ALDH1A2: variants seen among roughly 807,000 people sequenced by gnomAD.
ALDH1A2 encodes aldehyde dehydrogenase 1 family member A2.
ALDH1A2 carries 27 observed loss-of-function variants against 60.3 expected under a neutral mutation model. That is an observed-to-expected ratio of 0.45 (90% CI 0.33 to 0.62). The LOEUF is 0.62. ALDH1A2 is among the 20% of genes least tolerant of loss of function. ALDH1A2 has a pLI of 0.02. For missense variants in ALDH1A2, 581 were observed against 643.8 expected, an observed-to-expected ratio of 0.90 and a Z score of 1.06; for synonymous variants, 289 against 232.4, an observed-to-expected ratio of 1.24 and a Z score of -2.21.
intron 7 of ALDH1A2, chr15:57,980,207 G>T: frequency 3.1e-6 from 1 of 319,766 alleles, no homozygotes; most frequent in East Asian, 9.2e-5. Context: ...CTGCTTCTCT[G>T]AGTATTTGAT....
intron 7 of ALDH1A2, 80 bp downstream of exon 7, chr15:57,992,625 G>T: frequency 7.7e-7 from 1 of 1,300,388 alleles, no homozygotes; most frequent in East Asian, 2.3e-5. Context: ...CTAGCCTATG[G>T]GTACTAGTTT....
intron 7 of ALDH1A2, among the ~76,000 whole-genome samples, chr15:57,977,624 G>A (rs1894308763): frequency 6.6e-6 from 1 of 152,198 alleles, no homozygotes; most frequent in Non-Finnish European, 1.5e-5. Flanking sequence ...TAACCTTGTA[G>A]TAAAGTTTGA....
intron 1 of ALDH1A2, among the ~76,000 whole-genome samples, chr15:58,045,931 A>G (rs1349795787): frequency 6.6e-6 from 1 of 152,016 alleles, no homozygotes; most frequent in African/African-American, 2.4e-5. Context: ...GAGACACTCC[A>G]CACATGCATT....
intron 1 of ALDH1A2, among the ~76,000 whole-genome samples, chr15:58,041,763 A>G (rs11071363): frequency 0.41 from 62,866 of 151,670 alleles, 13,229 homozygotes; most frequent in Non-Finnish European, 0.44. Flanking sequence ...TATGTTCCAA[A>G]ACTCCCAGTG....
intron 1 of ALDH1A2, chr15:58,038,414 A>T (rs555127750): frequency 7.9e-5 from 12 of 151,822 alleles, no homozygotes; most frequent in Admixed American, 6.6e-4. Context: ...CACCCAAATA[A>T]TTTTTAAGGG....
intron 1 of ALDH1A2, among the ~76,000 whole-genome samples, chr15:58,049,794 G>A (rs957336754): frequency 2.9e-4 from 44 of 152,230 alleles, no homozygotes; most frequent in African/African-American, 1.1e-3. Context: ...TGTACTTTGA[G>A]AGAAGAAAAC....
At position 57,995,073 on chromosome 15, in the gene ALDH1A2, C is replaced by CTCA. The variant is rs1205621942; in HGVS notation, c.555+2_555+4dup. On this transcript the variant is annotated splice_donor_region_variant and intron_variant, in intron 5 of 12. Coordinates refer to ENST00000249750, the MANE Select transcript of ALDH1A2 (RefSeq NM_003888.4). ...TAAATACGAGGTGCGAGGAAATACACTCACTGGGATGATCTGTCCACACAC... is the reference window on the plus strand; with the variant it reads ...TAAATACGAGGTGCGAGGAAATACACTCATCACTGGGATGATCTGTCCACACAC... The CTCA allele has an allele frequency of 1.2e-6, 2 of 1,609,184 alleles. No individual in the cohort carries two copies. The highest frequency in any genetic ancestry group is 1.7e-6 in the Non-Finnish European group (2 of 1,175,880).
intron 7 of ALDH1A2, among the ~76,000 whole-genome samples, chr15:57,986,163 T>C (rs1167293266): frequency 1.3e-5 from 2 of 152,198 alleles, no homozygotes; most frequent in Admixed American, 6.5e-5. Flanking sequence ...TAGAAAAGTA[T>C]ATGAAATTGT....
At chr15:57,971,431 G>A (rs1894063449) in intron 7 of ALDH1A2, among the ~76,000 whole-genome samples, 1 of 152,148 alleles carries the variant, frequency 6.6e-6, no homozygotes, top group South Asian at 2.1e-4. Context: ...ATATGCATAT[G>A]TACACAGATT....
rs1303613977 is a variant in ALDH1A2, at chr15:58,013,989, C to G, written c.232G>C (p.Asp78His). 3.1e-6 allele frequency: 5 copies of G among 1,613,932 alleles called. No individual in the cohort carries two copies. Among genetic ancestry groups the G allele is most frequent in the Non-Finnish European group, 3.4e-6 (4 of 1,179,996 alleles). The change falls in exon 3 of 13, where the codon GAC becomes CAC. Residue 78 changes from aspartate (D) to histidine (H), a missense_variant. Physicochemically the swap from Asp to His is moderately conservative, Grantham distance 81. Transcript: ENST00000249750. ...EVQEADKADI[D>H]KAVQAARLAF... ...AGGCGGGCTGCCTGCACTGCTTTGT[C>G]TATATCTGCCTGTTAGAGAGGAAGA...
chr15:58,058,947 A>C (rs562042980), intron 1 of ALDH1A2, among the ~76,000 whole-genome samples: 24 of 152,350 alleles, frequency 1.6e-4, no homozygotes, highest in Non-Finnish European at 3.1e-4. Context: ...GCAGAAGTCT[A>C]GGTGGTGAAA....
intron 7 of ALDH1A2, among the ~76,000 whole-genome samples, chr15:57,981,547 A>G (rs1279648091): frequency 2.6e-5 from 4 of 152,194 alleles, no homozygotes; most frequent in Admixed American, 6.5e-5. Context: ...CATTATTTCA[A>G]TCTTCAAATG....
At chr15:57,958,084 G>A (rs1452096687) in intron 12 of ALDH1A2, among the ~76,000 whole-genome samples, 1 of 152,172 alleles carries the variant, frequency 6.6e-6, no homozygotes, top group African/African-American at 2.4e-5. Context: ...TGTTAAAAAC[G>A]CAGTTCCTGG....
At chr15:58,034,412 A>G (rs2140546124) in intron 1 of ALDH1A2, among the ~76,000 whole-genome samples, 1 of 151,696 alleles carries the variant, frequency 6.6e-6, no homozygotes, top group South Asian at 2.1e-4. Context: ...ATAGAAAATT[A>G]TGTTATCTGT....
intron 4 of ALDH1A2, among the ~76,000 whole-genome samples, chr15:58,009,751 A>G (rs1237373966): frequency 6.6e-6 from 1 of 152,010 alleles, no homozygotes; most frequent in Non-Finnish European, 1.5e-5. Context: ...TCAAAGTTTT[A>G]GCTCTAAAAC....
chr15:57,984,283 AAAGT>A (rs1396569433), intron 7 of ALDH1A2, among the ~76,000 whole-genome samples: 1 of 152,258 alleles, frequency 6.6e-6, no homozygotes, highest in Non-Finnish European at 1.5e-5. Flanking sequence ...TACTTGACAC[AAAGT>A]AAGTGCTAAA....
intron 4 of ALDH1A2, among the ~76,000 whole-genome samples, chr15:58,001,034 T>TAAAAAAA (rs10641902): frequency 2.7e-4 from 34 of 126,056 alleles, no homozygotes; most frequent in East Asian, 4.8e-4. Context: ...TCAAAATTGT[T>TAAAAAAA]AAAAAAAAAA....
At chr15:57,996,392 C>T (rs1895063599) in intron 4 of ALDH1A2, among the ~76,000 whole-genome samples, 1 of 151,332 alleles carries the variant, frequency 6.6e-6, no homozygotes, top group South Asian at 2.1e-4. Flanking sequence ...TTATCTGTTT[C>T]CTCTTTTCAA....
chr15:57,995,217 C>CAAAAAAAAAAAAA lies in ALDH1A2; in HGVS notation c.494-91_494-79dup, dbSNP rs34068380. On this transcript the variant is annotated intron_variant, in intron 4 of 12. Coordinates refer to ENST00000249750, the MANE Select transcript of ALDH1A2 (RefSeq NM_003888.4). ...TGCAAAGGGAGAACTTTGGTGGCTGCAAAAAAAAAAAAAAAAAAACAAACA... is the reference window on the plus strand; with the variant it reads ...TGCAAAGGGAGAACTTTGGTGGCTGCAAAAAAAAAAAAAAAAAAAAAAAAAAAAAAAACAAACA... 62 of 288,020 alleles carry CAAAAAAAAAAAAA rather than the reference C, an allele frequency of 2.2e-4. 1 individual carries two copies. The highest frequency in any genetic ancestry group is 5.5e-4 in the South Asian group (12 of 21,718). 17.8% of individuals were successfully genotyped at this position (288,020 alleles called of 1,614,324 possible).
Sources: allele counts gnomAD v4.1 joint callset (sites outside exome capture counted in the v4.1 genomes callset), GRCh38; gene constraint gnomAD v4.1.1; transcripts MANE v1.5; gene names NCBI Gene and HGNC (gene_info 2026-07-23, HGNC 2026-07-21).